The following ZNF462 variants were observed in gnomAD, a reference collection of about 807,000 sequenced individuals.
ZNF462 encodes zinc finger protein 462, also known as zinc finger PBX1-interacting protein.
Under a neutral mutation model 201.9 loss-of-function variants are expected in ZNF462, and 10 were observed. That is an observed-to-expected ratio of 0.05 (90% confidence interval 0.03 to 0.08). The LOEUF is 0.08. Ranked by LOEUF, ZNF462 falls within the 10% of genes least tolerant of loss-of-function variation. The probability of loss-of-function intolerance (pLI) is 1.00; values close to 1 mark genes in which losing one functional copy is unlikely to be tolerated. For synonymous variants in ZNF462, 1,227 were observed against 1,193.3 expected (o/e 1.03, Z -0.58); for missense variants, 2,523 against 3,168.3 (o/e 0.80, Z 4.89).
At chr9:106,946,083 C>G (rs966999818) in intron 7 of ZNF462, among the ~76,000 whole-genome samples, 1 of 152,198 alleles carries the variant, frequency 6.6e-6, no homozygotes, top group Non-Finnish European at 1.5e-5. Context: ...AATTCATCTC[C>G]CTGTTCCCAT....
At position 106,895,438 on chromosome 9, in the gene ZNF462, G is replaced by A. The variant is rs1046861350; in HGVS notation, c.-30-27916G>A. On this transcript the variant is annotated intron_variant, in intron 1 of 12. Coordinates refer to ENST00000277225, the MANE Select transcript of ZNF462 (RefSeq NM_021224.6). This position sits in a 1 kb window ranked among gnomAD's most constrained non-coding sequence, Gnocchi z 4.4. ...ATCTCTTCCCTGGACCATCTCAGCA[G>A]CTGCTTAGCAGCCTGTTTCCCACCA... 2.6e-5 allele frequency among the ~76,000 whole-genome samples: 4 copies of A among 152,158 alleles called. No homozygotes were observed. Among genetic ancestry groups the A allele is most frequent in the African/African-American group, 7.2e-5 (3 of 41,440 alleles).
chr9:106,949,608 G>T (rs2131748198), intron 7 of ZNF462, among the ~76,000 whole-genome samples: 1 of 152,178 alleles, frequency 6.6e-6, no homozygotes, highest in Non-Finnish European at 1.5e-5. Context: ...GGAGACAAGT[G>T]GGTACCTTCC....
At chr9:106,944,953 A>T (rs1831039760) in intron 7 of ZNF462, among the ~76,000 whole-genome samples, 1 of 152,206 alleles carries the variant, frequency 6.6e-6, no homozygotes. Flanking sequence ...GACAATATGT[A>T]AACAAACGAC....
At chr9:106,887,782 G>A (rs1179106846) in intron 1 of ZNF462, among the ~76,000 whole-genome samples, 1 of 152,182 alleles carries the variant, frequency 6.6e-6, no homozygotes, top group Non-Finnish European at 1.5e-5. Context: ...CAAATAGAAT[G>A]ATGAAACTGT....
chr9:106,902,898 G>GT lies in ZNF462; in HGVS notation c.-30-20448dup, dbSNP rs899467712. On this transcript the variant is annotated intron_variant, in intron 1 of 12. Coordinates refer to ENST00000277225, the MANE Select transcript of ZNF462 (RefSeq NM_021224.6). This position sits in a 1 kb window ranked among gnomAD's most constrained non-coding sequence, Gnocchi z 4.2. ...AGCTTTTGTTTCATTTATCTTTTGT[G>GT]TTTTTTTTGTTTGTTTGTTTGAATT... Among the ~76,000 whole-genome samples, 68 of 151,348 alleles carry GT rather than the reference G, an allele frequency of 4.5e-4. No homozygotes were observed. Among genetic ancestry groups the GT allele is most frequent in the East Asian group, 1.2e-3 (6 of 5,140 alleles).
chr9:106,967,631 C>T lies in ZNF462; in HGVS notation c.6428-4374C>T, dbSNP rs375639715. 6.6e-5 allele frequency among the ~76,000 whole-genome samples: 10 copies of T among 152,088 alleles called. No individual in the cohort carries two copies. The East Asian group carries it at 1.5e-3, about 23-fold the overall frequency. On this transcript the variant is annotated intron_variant, in intron 7 of 12. Transcript: ENST00000277225. ...TCAAGAGCCACGAAAAAGCACCCAT[C>T]TCTCATTTGCATTTGTGTATCTTTC...
intron 7 of ZNF462, among the ~76,000 whole-genome samples, chr9:106,960,511 A>G (rs1170161636): frequency 6.6e-6 from 1 of 152,084 alleles, no homozygotes; most frequent in African/African-American, 2.4e-5. Flanking sequence ...CAGTGTGGTA[A>G]AGACATCTAT....
At chr9:106,860,749 TGCCACGAGGAATTTATGGGGTGGCGGCG>T (rs1827043817), upstream of ZNF462, among the ~76,000 whole-genome samples, 1 of 152,168 alleles carries the variant, frequency 6.6e-6, no homozygotes, top group Non-Finnish European at 1.5e-5. The surrounding 1 kb of genome is among the most constrained non-coding windows in gnomAD (Gnocchi z 7.1). Flanking sequence ...TTCCTCCGGT[TGCCACGAGGAATTTATGGGGTGGCGGCG>T]GCCAGCGCTC....
intron 7 of ZNF462, among the ~76,000 whole-genome samples, chr9:106,952,152 T>C (rs999406618): frequency 2.0e-5 from 3 of 152,184 alleles, no homozygotes; most frequent in Admixed American, 6.5e-5. Context: ...ACATTGTTGT[T>C]AATGAAATGT....
At chr9:106,878,238 C>G (rs1209566406) in intron 1 of ZNF462, among the ~76,000 whole-genome samples, 2 of 152,168 alleles carry the variant, frequency 1.3e-5, no homozygotes, top group African/African-American at 4.8e-5. Flanking sequence ...TCTGGTGAAG[C>G]CTGAGAGGCA....
At chr9:106,898,406 G>C (rs76492542) in intron 1 of ZNF462, among the ~76,000 whole-genome samples, 2 of 152,258 alleles carry the variant, frequency 1.3e-5, no homozygotes, top group East Asian at 3.9e-4. Context: ...ATGATTTTGT[G>C]CTAACCCTTC....
chr9:106,929,319 T>C lies in ZNF462; in HGVS notation c.5407T>C (p.Leu1803=). The part of the protein sequence containing the change: ...VFPKKQHASK[L]GGYFTAVYAD... ...CCCAAAGAAGCAGCACGCCAGCAAGTTGGGGGGCTACTTCACGGCCGTCTA... is the reference window on the plus strand; with the variant it reads ...CCCAAAGAAGCAGCACGCCAGCAAGCTGGGGGGCTACTTCACGGCCGTCTA... The change falls in exon 3 of 13, where the codon TTG becomes CTG. Residue 1803 remains leucine (L), a synonymous_variant. Coordinates refer to ENST00000277225, the MANE Select transcript of ZNF462 (RefSeq NM_021224.6). This position sits in a 1 kb window ranked among gnomAD's most constrained non-coding sequence, Gnocchi z 8.7. The C allele has an allele frequency of 1.2e-6, 2 of 1,614,114 alleles. No homozygotes were observed. Among genetic ancestry groups the C allele is most frequent in the Non-Finnish European group, 1.7e-6 (2 of 1,180,036 alleles).
At chr9:106,881,969 A>T (rs1473782883) in intron 1 of ZNF462, among the ~76,000 whole-genome samples, 6 of 152,230 alleles carry the variant, frequency 3.9e-5, no homozygotes, top group African/African-American at 1.4e-4. Context: ...GAAATTTTCC[A>T]GGAATAGCAC....
chr9:106,903,488 T>C (rs1401087188), intron 1 of ZNF462, among the ~76,000 whole-genome samples: 1 of 152,202 alleles, frequency 6.6e-6, no homozygotes, highest in Non-Finnish European at 1.5e-5. Context: ...TTTGTTGACT[T>C]CCTATCTTGA....
chr9:106,878,505 T>C (rs1278542574), intron 1 of ZNF462, among the ~76,000 whole-genome samples: 3 of 152,258 alleles, frequency 2.0e-5, no homozygotes, highest in Non-Finnish European at 4.4e-5. Context: ...TATTCATTCA[T>C]TGAACACTTA....
intron 10 of ZNF462, among the ~76,000 whole-genome samples, chr9:106,998,632 G>A (rs917050781): frequency 6.6e-6 from 1 of 151,746 alleles, no homozygotes; most frequent in African/African-American, 2.4e-5. Context: ...TTTTGAGATG[G>A]AGTCTTGCTC....
chr9:106,897,997 T>G (rs1450482714), intron 1 of ZNF462, among the ~76,000 whole-genome samples: 1 of 152,244 alleles, frequency 6.6e-6, no homozygotes, highest in Non-Finnish European at 1.5e-5. Flanking sequence ...TTAGCAAATG[T>G]GTAATTCCTT....
rs575689346 is a variant in ZNF462 at position 106,974,349 on chromosome 9, C to G, written c.6832+76C>G. ...AGATGGCCTTCTAGGGATGCTCTCT[C>G]AGAGTGGCAGTAGCACCTGTGCCTT... On this transcript the variant is annotated intron_variant, in intron 9 of 12. Transcript: ENST00000277225. This position sits in a 1 kb window ranked among gnomAD's most constrained non-coding sequence, Gnocchi z 4.0. 1.3e-6 allele frequency: 2 copies of G among 1,597,824 alleles called. No individual in the cohort carries two copies. The highest frequency in any genetic ancestry group is 2.7e-5 in the African/African-American group (2 of 74,688).
At chr9:106,990,868 A>T (rs1828219177) in intron 10 of ZNF462, among the ~76,000 whole-genome samples, 1 of 152,066 alleles carries the variant, frequency 6.6e-6, no homozygotes, top group Non-Finnish European at 1.5e-5. Flanking sequence ...TTTGTAAGTA[A>T]AGATGGCAGT....
Sources: allele counts gnomAD v4.1 joint callset (sites outside exome capture counted in the v4.1 genomes callset), GRCh38; gene constraint gnomAD v4.1.1; non-coding constraint Gnocchi (gnomAD v3.1); transcripts MANE v1.5; gene names NCBI Gene and HGNC (gene_info 2026-07-23, HGNC 2026-07-21).